The following UBA6 variants were observed in gnomAD, a reference collection of about 807,000 sequenced individuals.
The protein encoded by UBA6 is ubiquitin like modifier activating enzyme 6.
UBA6 carries 87 observed loss-of-function variants against 148.3 expected under a neutral mutation model. The ratio of observed to expected loss-of-function variants is 0.59; its 90% CI spans 0.49 to 0.70. The LOEUF (loss-of-function observed/expected upper bound fraction) is 0.70, where lower values mean the gene tolerates loss of function less well. UBA6 is among the 30% of genes least tolerant of loss of function. The pLI is 0.00. For missense variants in UBA6, 1,186 were observed against 1,241.2 expected (o/e 0.96, Z 0.67); for synonymous variants, 376 against 401.0 (o/e 0.94, Z 0.75).
intron 11 of UBA6, chr4:67,663,456 T>C (rs1453325566): frequency 7.5e-6 from 3 of 401,026 alleles, no homozygotes; most frequent in Non-Finnish European, 1.3e-5. Flanking sequence ...ATTTGGAAAC[T>C]GTTAGTTCCT....
At chr4:67,637,883 TC>T (rs1474443975) in intron 19 of UBA6, among the ~76,000 whole-genome samples, 1 of 151,352 alleles carries the variant, frequency 6.6e-6, no homozygotes, top group African/African-American at 2.4e-5. Flanking sequence ...TCCACTATTG[TC>T]CTATGACCCT....
intron 2 of UBA6, among the ~76,000 whole-genome samples, chr4:67,696,236 G>A (rs1025601562): frequency 1.3e-5 from 2 of 151,980 alleles, no homozygotes; most frequent in African/African-American, 2.4e-5. Flanking sequence ...ACGTATTATT[G>A]TCCAAAAATG....
At chr4:67,659,797 A>G (rs1384906287) in intron 13 of UBA6, among the ~76,000 whole-genome samples, 1 of 152,100 alleles carries the variant, frequency 6.6e-6, no homozygotes, top group Admixed American at 6.6e-5. Flanking sequence ...TAAGAAAGGA[A>G]GATGTGGGAA....
intron 32 of UBA6, among the ~76,000 whole-genome samples, 170 bp from the exon 33 acceptor site, chr4:67,619,302 A>G (rs1163420594): frequency 6.6e-6 from 1 of 152,246 alleles, no homozygotes; most frequent in African/African-American, 2.4e-5. Context: ...GAACTCATTT[A>G]TACTCAAGAC....
At chr4:67,634,978 T>C (rs1729101686) in intron 20 of UBA6, among the ~76,000 whole-genome samples, 1 of 152,160 alleles carries the variant, frequency 6.6e-6, no homozygotes, top group African/African-American at 2.4e-5. Context: ...GCAGAAAGCA[T>C]GTATTAAATA....
intron 2 of UBA6, 79 bp from the exon 3 acceptor site, chr4:67,682,292 A>G: frequency 9.1e-7 from 1 of 1,096,484 alleles, no homozygotes; most frequent in South Asian, 1.4e-5. Context: ...TGCAAACTAA[A>G]AGCCTAGGAA....
At chr4:67,684,202 T>C (rs971051404) in intron 2 of UBA6, among the ~76,000 whole-genome samples, 10 of 152,226 alleles carry the variant, frequency 6.6e-5, no homozygotes, top group Admixed American at 6.5e-4. Context: ...GCTTGGTCTT[T>C]AGAAGGGCAT....
At chr4:67,693,968 A>G (rs1395425105) in intron 2 of UBA6, among the ~76,000 whole-genome samples, 1 of 152,080 alleles carries the variant, frequency 6.6e-6, no homozygotes, top group African/African-American at 2.4e-5. Flanking sequence ...TAATCCCAGC[A>G]CTTTGGGAAG....
At chr4:67,635,423 A>G (rs367789345) in intron 20 of UBA6, 30 bp downstream of exon 20, 46 of 1,290,262 alleles carry the variant, frequency 3.6e-5, no homozygotes, top group Middle Eastern at 1.9e-4. Context: ...TATAAAAAAG[A>G]CATCTATTTC....
At chr4:67,673,367 G>A (rs753542829) in intron 7 of UBA6, among the ~76,000 whole-genome samples, 8 of 144,762 alleles carry the variant, frequency 5.5e-5, no homozygotes, top group Non-Finnish European at 1.2e-4. Flanking sequence ...GGTGAGCCAA[G>A]ATTGTGTCAC....
intron 9 of UBA6, 144 bp from the exon 10 acceptor site, chr4:67,665,436 T>G (rs751926781): frequency 0.014 from 7,238 of 508,850 alleles, 87 homozygotes; most frequent in East Asian, 0.061. Flanking sequence ...TGTTTGTTTT[T>G]TTTTTTTTTT....
At chr4:67,641,006 T>C (rs1729293249) in intron 18 of UBA6, 145 bp downstream of exon 18, 1 of 618,130 alleles carries the variant, frequency 1.6e-6, no homozygotes, top group South Asian at 2.1e-5. Context: ...ATTTAATATT[T>C]TCCCTTTTGT....
chr4:67,687,697 A>C (rs11935076), intron 2 of UBA6, among the ~76,000 whole-genome samples: 58,385 of 151,838 alleles, frequency 0.38, 11,318 homozygotes, highest in Middle Eastern at 0.51. Flanking sequence ...AAATCCTCAT[A>C]ATTTAGCTCC....
chr4:67,655,494 G>A (rs1729664253), intron 13 of UBA6, among the ~76,000 whole-genome samples: 1 of 152,150 alleles, frequency 6.6e-6, no homozygotes, highest in Non-Finnish European at 1.5e-5. Context: ...AAACCAATGA[G>A]AACAAAGACA....
At chr4:67,662,989 A>G in intron 12 of UBA6, 150 bp downstream of exon 12, 1 of 465,094 alleles carries the variant, frequency 2.2e-6, no homozygotes. Flanking sequence ...CACCAGGAAA[A>G]GGACCAGAAA....
chr4:67,643,818 T>C (rs1729361114), intron 17 of UBA6, among the ~76,000 whole-genome samples: 1 of 152,086 alleles, frequency 6.6e-6, no homozygotes, highest in Non-Finnish European at 1.5e-5. Context: ...TTCCTGACCT[T>C]TATATGCTAA....
At chr4:67,654,645 C>T (rs1353849997) in intron 13 of UBA6, among the ~76,000 whole-genome samples, 1 of 151,950 alleles carries the variant, frequency 6.6e-6, no homozygotes, top group African/African-American at 2.4e-5. Context: ...GCAAAAAAAC[C>T]AGCTAACATC....
chr4:67,687,726 T>C (rs1479125042), intron 2 of UBA6, among the ~76,000 whole-genome samples: 1 of 152,178 alleles, frequency 6.6e-6, no homozygotes, highest in East Asian at 1.9e-4. Context: ...AGTTAGAATA[T>C]GTGGTATTTG....
At chr4:67,637,756 T>C (rs1363654957) in intron 19 of UBA6, among the ~76,000 whole-genome samples, 2 of 151,826 alleles carry the variant, frequency 1.3e-5, no homozygotes, top group Admixed American at 6.6e-5. Flanking sequence ...TCGTCAAGAG[T>C]CATCACCACT....
Sources: gnomAD v4.1 joint callset for allele counts (sites outside exome capture counted in the v4.1 genomes callset) on GRCh38, gnomAD v4.1.1 for gene constraint, MANE v1.5 for transcripts, NCBI Gene and HGNC (gene_info 2026-07-23, HGNC 2026-07-21) for gene names.